Variants in APBB2 observed in about 807,000 individuals in gnomAD.
The protein encoded by APBB2 is amyloid beta precursor protein binding family B member 2.
A neutral mutation model predicts 82.5 loss-of-function variants in APBB2; 38 were observed. The observed-to-expected ratio is 0.46, with a 90% CI of 0.36 to 0.60. The LOEUF is 0.60. Ranked by LOEUF, APBB2 falls within the 20% of genes least tolerant of loss-of-function variation. APBB2 has a pLI of 0.00. For missense variants in APBB2, 772 were observed against 972.3 expected (o/e 0.79, Z 2.74); for synonymous variants, 341 against 368.2 (o/e 0.93, Z 0.85).
chr4:41,115,075 C>A (rs905966067), intron 2 of APBB2, among the ~76,000 whole-genome samples: 2 of 152,156 alleles, frequency 1.3e-5, no homozygotes, highest in African/African-American at 4.8e-5. Context: ...TCAAACTATA[C>A]TACAAGGCTA....
At chr4:40,849,531 C>T (rs1057000342) in intron 12 of APBB2, among the ~76,000 whole-genome samples, 2 of 152,232 alleles carry the variant, frequency 1.3e-5, no homozygotes, top group Non-Finnish European at 1.5e-5. Flanking sequence ...TAAACCTCTG[C>T]TTATCATTTA....
intron 17 of APBB2, 80 bp downstream of exon 17, chr4:40,821,791 A>T (rs764712354): frequency 3.4e-5 from 51 of 1,501,770 alleles, no homozygotes; most frequent in Non-Finnish European, 4.5e-5. Context: ...CATTTCCGTG[A>T]GTGATTCTGC....
chr4:40,852,075 C>T (rs933410813), intron 12 of APBB2, among the ~76,000 whole-genome samples: 2 of 151,938 alleles, frequency 1.3e-5, no homozygotes, highest in South Asian at 2.1e-4. Context: ...AATGTAATTA[C>T]GGGGCCGGGC....
At chr4:41,013,527 T>C (rs1433597427) in intron 6 of APBB2, 56 bp downstream of exon 6, 51 of 1,499,446 alleles carry the variant, frequency 3.4e-5, no homozygotes, top group Admixed American at 7.4e-5. Flanking sequence ...ACTCCAATAG[T>C]TGAAAAGATA....
intron 1 of APBB2, among the ~76,000 whole-genome samples, chr4:41,208,393 C>T (rs947654764): frequency 2.6e-5 from 4 of 152,170 alleles, no homozygotes. Context: ...TCCTGAGTAG[C>T]TGAAATTACA....
intron 6 of APBB2, among the ~76,000 whole-genome samples, chr4:40,982,400 G>GGAAGAAA (rs1553894088): frequency 6.2e-5 from 1 of 16,052 alleles, no homozygotes; most frequent in African/African-American, 2.0e-4. Context: ...GGAAAGGAAA[G>GGAAGAAA]GAAAGAAAGA....
chr4:40,917,865 C>T (rs1780226229), intron 10 of APBB2, among the ~76,000 whole-genome samples: 1 of 152,196 alleles, frequency 6.6e-6, no homozygotes, highest in South Asian at 2.1e-4. Context: ...TTTTTATCCA[C>T]AGGGCAAAGG....
intron 2 of APBB2, among the ~76,000 whole-genome samples, chr4:41,133,380 G>A (rs969085185): frequency 3.3e-5 from 5 of 151,944 alleles, no homozygotes; most frequent in African/African-American, 4.8e-5. Flanking sequence ...TTTTTTGCAC[G>A]TGCTGGAAGT....
At chr4:40,836,198 C>T (rs1242148348) in intron 12 of APBB2, among the ~76,000 whole-genome samples, 7 of 152,094 alleles carry the variant, frequency 4.6e-5, no homozygotes, top group African/African-American at 9.7e-5. Flanking sequence ...CAAAGCTGGC[C>T]GGGCGCGGTG....
At chr4:41,164,536 T>C (rs1765992741) in intron 1 of APBB2, among the ~76,000 whole-genome samples, 1 of 152,218 alleles carries the variant, frequency 6.6e-6, no homozygotes, top group Non-Finnish European at 1.5e-5. Flanking sequence ...ACCACAATAG[T>C]TTCCCTTTGT....
intron 12 of APBB2, among the ~76,000 whole-genome samples, chr4:40,887,009 A>G (rs958890630): frequency 3.9e-5 from 6 of 152,354 alleles, no homozygotes; most frequent in African/African-American, 1.4e-4. Flanking sequence ...TAATAAAGAC[A>G]GACATGGCTC....
intron 5 of APBB2, among the ~76,000 whole-genome samples, chr4:41,024,973 A>G (rs1713359538): frequency 6.6e-6 from 1 of 152,154 alleles, no homozygotes; most frequent in African/African-American, 2.4e-5. Context: ...TCACGCCACT[A>G]CGATTCGCGC....
intron 1 of APBB2, among the ~76,000 whole-genome samples, chr4:41,210,810 TATAAG>T (rs1277769955): frequency 1.3e-5 from 2 of 152,232 alleles, no homozygotes; most frequent in African/African-American, 2.4e-5. Context: ...GATATTTTCA[TATAAG>T]ATAAAAGTTT....
At chr4:41,146,717 T>C (rs757974916) in intron 1 of APBB2, among the ~76,000 whole-genome samples, 5 of 152,162 alleles carry the variant, frequency 3.3e-5, no homozygotes, top group Non-Finnish European at 5.9e-5. Flanking sequence ...AAAATGGGAA[T>C]AGTCTGAAAA....
At chr4:40,908,198 C>T (rs754976432) in intron 10 of APBB2, among the ~76,000 whole-genome samples, 1 of 152,024 alleles carries the variant, frequency 6.6e-6, no homozygotes. Flanking sequence ...AGCACAAACC[C>T]GGGAGAGCGG....
chr4:41,099,872 C>T (rs1282429822), intron 3 of APBB2, among the ~76,000 whole-genome samples: 2 of 151,974 alleles, frequency 1.3e-5, no homozygotes, highest in African/African-American at 2.4e-5. Flanking sequence ...TGTTTCTGTG[C>T]GTGCACGTGC....
At chr4:41,043,060 G>A (rs1390333324) in intron 4 of APBB2, among the ~76,000 whole-genome samples, 1 of 152,058 alleles carries the variant, frequency 6.6e-6, no homozygotes, top group African/African-American at 2.4e-5. Flanking sequence ...TTCTCCCTAG[G>A]TTACACAGGG....
At chr4:40,971,212 G>A (rs1057407383) in intron 6 of APBB2, among the ~76,000 whole-genome samples, 5 of 152,004 alleles carry the variant, frequency 3.3e-5, no homozygotes, top group Non-Finnish European at 5.9e-5. Flanking sequence ...TATGAGACTC[G>A]AACTCTAGGA....
intron 2 of APBB2, among the ~76,000 whole-genome samples, chr4:41,126,119 C>G (rs1214113524): frequency 6.6e-6 from 1 of 151,968 alleles, no homozygotes; most frequent in East Asian, 1.9e-4. Context: ...GTGGTTCACA[C>G]CTGTAATCCC....
Sources: gnomAD v4.1 joint callset for allele counts (sites outside exome capture counted in the v4.1 genomes callset) on GRCh38, gnomAD v4.1.1 for gene constraint, MANE v1.5 for transcripts, NCBI Gene and HGNC (gene_info 2026-07-23, HGNC 2026-07-21) for gene names.